Variants in MAP7 observed in about 807,000 individuals in gnomAD.
The protein encoded by MAP7 is ensconsin.
In MAP7, 52 loss-of-function variants were observed where a neutral mutation model predicts 94.8. The ratio of observed to expected loss-of-function variants is 0.55; its 90% CI spans 0.44 to 0.69. The LOEUF is 0.69. Among genes scored for constraint, MAP7 ranks in the 30% least tolerant of loss-of-function variants. MAP7 has a pLI of 0.00. For synonymous variants in MAP7, 350 were observed against 357.0 expected, an observed-to-expected ratio of 0.98 and a Z score of 0.22; for missense variants, 940 against 964.6, an observed-to-expected ratio of 0.97 and a Z score of 0.34.
At chr6:136,542,521 A>G (rs1256884398) in intron 1 of MAP7, among the ~76,000 whole-genome samples, 1 of 152,216 alleles carries the variant, frequency 6.6e-6, no homozygotes, top group East Asian at 1.9e-4. Flanking sequence ...TCTAACAACA[A>G]AACAAGTTAT....
chr6:136,462,954 C>CAA lies in MAP7; in HGVS notation c.68-41157_68-41156dup, dbSNP rs5880296. Reference sequence around the variant, plus strand: ...TGGGCGACAGAGTGAGATCCTATCTCAAAAAAAAAAAAAAAAGAAAACAAA... The same window carrying CAA: ...TGGGCGACAGAGTGAGATCCTATCTCAAAAAAAAAAAAAAAAAAGAAAACAAA... On this transcript the variant is annotated intron_variant, in intron 1 of 17. Coordinates refer to ENST00000354570, the MANE Select transcript of MAP7 (RefSeq NM_003980.6). Among the ~76,000 whole-genome samples, 638 of 124,632 alleles carry CAA rather than the reference C, an allele frequency of 5.1e-3. 6 individuals are homozygous for CAA. Among genetic ancestry groups the CAA allele is most frequent in the East Asian group, 0.018 (77 of 4,236 alleles). 81.8% of individuals were successfully genotyped at this position (124,632 alleles called of 152,430 possible).
At chr6:136,421,850 C>T (rs1791475900) in intron 1 of MAP7, 51 bp from the exon 2 acceptor site, 2 of 1,400,896 alleles carry the variant, frequency 1.4e-6, no homozygotes, top group Middle Eastern at 1.8e-4. Flanking sequence ...CTTAAAATTT[C>T]TTCAGAAACA....
In MAP7 at chr6:136,388,261, A is replaced by G; in HGVS notation, c.526+132T>C. 5.5e-6 allele frequency: 4 copies of G among 731,020 alleles called. No homozygotes were observed. The South Asian group carries it at 7.3e-5, about 13-fold the overall frequency. 45.3% of individuals were successfully genotyped at this position (731,020 alleles called of 1,614,324 possible). On this transcript the variant is annotated intron_variant, in intron 5 of 17. Coordinates refer to ENST00000354570, the MANE Select transcript of MAP7 (RefSeq NM_003980.6). ...CACCCTCTTATCCTCAAATAGTGAA[A>G]GATTCATTTCATTGTTGTTTAATTA...
intron 8 of MAP7, among the ~76,000 whole-genome samples, chr6:136,370,045 T>C (rs1368487965): frequency 6.6e-6 from 1 of 152,186 alleles, no homozygotes; most frequent in East Asian, 1.9e-4. Context: ...AAGGGGTTAC[T>C]ACTAGAATAT....
chr6:136,468,547 A>T (rs1264709359), intron 1 of MAP7, among the ~76,000 whole-genome samples: 1 of 152,258 alleles, frequency 6.6e-6, no homozygotes, highest in African/African-American at 2.4e-5. Flanking sequence ...TGAATATCAT[A>T]GCTTAGCCTA....
chr6:136,389,333 T>G, intron 4 of MAP7, 21 bp downstream of exon 4: 1 of 1,519,454 alleles, frequency 6.6e-7, no homozygotes, highest in Non-Finnish European at 8.8e-7. Flanking sequence ...CCACTCATAT[T>G]CTTCCCGGGG....
At chr6:136,437,294 T>C (rs1255717305) in intron 1 of MAP7, among the ~76,000 whole-genome samples, 1 of 152,110 alleles carries the variant, frequency 6.6e-6, no homozygotes. Context: ...TCAGAGTTGG[T>C]AGAAGCCCCG....
chr6:136,365,478 G>A (rs1582684785), intron 10 of MAP7, among the ~76,000 whole-genome samples: 1 of 152,134 alleles, frequency 6.6e-6, no homozygotes, highest in African/African-American at 2.4e-5. Flanking sequence ...CACAGGCTAC[G>A]CCAGGGGTCC....
chr6:136,532,323 T>G (rs1306994190), intron 1 of MAP7, among the ~76,000 whole-genome samples: 1 of 152,136 alleles, frequency 6.6e-6, no homozygotes, highest in African/African-American at 2.4e-5. Flanking sequence ...TGAGAACACT[T>G]TCAGAAGAGA....
intron 1 of MAP7, among the ~76,000 whole-genome samples, chr6:136,499,216 G>A (rs542889237): frequency 2.8e-4 from 42 of 152,162 alleles, no homozygotes; most frequent in African/African-American, 8.9e-4. Flanking sequence ...CATCCTGTCC[G>A]GCCTGAGATT....
intron 1 of MAP7, among the ~76,000 whole-genome samples, chr6:136,470,461 T>C (rs1808594179): frequency 6.6e-6 from 1 of 152,160 alleles, no homozygotes; most frequent in Non-Finnish European, 1.5e-5. Context: ...CCCATAGTTA[T>C]CATTTTGTGT....
At chr6:136,464,265 C>A (rs1806208314) in intron 1 of MAP7, among the ~76,000 whole-genome samples, 1 of 152,154 alleles carries the variant, frequency 6.6e-6, no homozygotes, top group South Asian at 2.1e-4. Flanking sequence ...AAAGTTAGAA[C>A]AAACCAGTAG....
In MAP7 at chr6:136,456,843, AGAAGAG is replaced by A. The variant is rs1180348730; in HGVS notation, c.68-35050_68-35045del. Among the ~76,000 whole-genome samples, 45 of 128,072 alleles carry A rather than the reference AGAAGAG, an allele frequency of 3.5e-4. 3 individuals carry two copies. The highest frequency in any genetic ancestry group is 7.8e-4 in the South Asian group (3 of 3,838). The allele number at this position is 128,072 out of a possible 152,430, so 84.0% of individuals were successfully genotyped here. On this transcript the variant is annotated intron_variant, in intron 1 of 17. Transcript: ENST00000354570. ...AGAAGGAAGAAGAAGAAGAAGAAGAAGAAGAGGAAGAAGAAGAAGAAGAAGAAGAAA... is the reference window on the plus strand; with the variant it reads ...AGAAGGAAGAAGAAGAAGAAGAAGAAGAAGAAGAAGAAGAAGAAGAAGAAA...
At chr6:136,516,794 T>C (rs1027318346) in intron 1 of MAP7, among the ~76,000 whole-genome samples, 1 of 152,082 alleles carries the variant, frequency 6.6e-6, no homozygotes, top group South Asian at 2.1e-4. Flanking sequence ...AAAATAAGTA[T>C]GTGAAAATAA....
At chr6:136,530,463 T>C (rs908293397) in intron 1 of MAP7, among the ~76,000 whole-genome samples, 2 of 152,236 alleles carry the variant, frequency 1.3e-5, no homozygotes, top group Non-Finnish European at 2.9e-5. Flanking sequence ...GCAGGAGTTT[T>C]AACAATATTT....
intron 1 of MAP7, among the ~76,000 whole-genome samples, chr6:136,448,707 T>C (rs1282860264): frequency 1.3e-5 from 2 of 151,986 alleles, no homozygotes; most frequent in African/African-American, 4.8e-5. Context: ...CCACCGTGCC[T>C]AGCAATGCCT....
At chr6:136,490,057 T>C (rs534849352) in intron 1 of MAP7, among the ~76,000 whole-genome samples, 62 of 152,316 alleles carry the variant, frequency 4.1e-4, no homozygotes, top group African/African-American at 1.4e-3. Flanking sequence ...CTTCTATGTC[T>C]ACATGAAAAG....
At chr6:136,442,510 T>A (rs1768949943) in intron 1 of MAP7, among the ~76,000 whole-genome samples, 1 of 151,270 alleles carries the variant, frequency 6.6e-6, no homozygotes, top group Admixed American at 6.6e-5. Flanking sequence ...TGTATGAAAA[T>A]CACCTTTGGG....
chr6:136,490,703 T>C (rs1316670220), intron 1 of MAP7, among the ~76,000 whole-genome samples: 4 of 152,234 alleles, frequency 2.6e-5, no homozygotes, highest in South Asian at 2.1e-4. Flanking sequence ...TTCATCCTTT[T>C]GGGATAAGTG....
Sources: gnomAD v4.1 joint callset for allele counts (sites outside exome capture counted in the v4.1 genomes callset) on GRCh38, gnomAD v4.1.1 for gene constraint, MANE v1.5 for transcripts, NCBI Gene and HGNC (gene_info 2026-07-23, HGNC 2026-07-21) for gene names.